SEMA6D: variants seen among roughly 807,000 people sequenced by gnomAD.
SEMA6D encodes the protein semaphorin 6D.
Under a neutral mutation model 106.6 loss-of-function variants are expected in SEMA6D, and 35 were observed. That is an observed-to-expected ratio of 0.33 (90% CI 0.25 to 0.44). The LOEUF (loss-of-function observed/expected upper bound fraction) is 0.44, where lower values mean the gene tolerates loss of function less well. Among genes scored for constraint, SEMA6D ranks in the 20% least tolerant of loss-of-function variants. The pLI, the probability that SEMA6D is intolerant of heterozygous loss-of-function variation, is 1.00. For missense variants in SEMA6D, 1,185 were observed against 1,345.9 expected, an observed-to-expected ratio of 0.88 and a Z score of 1.87; for synonymous variants, 499 against 487.7, an observed-to-expected ratio of 1.02 and a Z score of -0.31.
chr15:47,661,399 A>C (rs1418256880), intron 4 of SEMA6D, among the ~76,000 whole-genome samples: 1 of 152,244 alleles, frequency 6.6e-6, no homozygotes, highest in Non-Finnish European at 1.5e-5. Context: ...TTTTAGAATT[A>C]AGATTTCTAA....
At chr15:47,464,718 T>C (rs1024472157) in intron 2 of SEMA6D, among the ~76,000 whole-genome samples, 3 of 152,146 alleles carry the variant, frequency 2.0e-5, no homozygotes, top group African/African-American at 7.2e-5. Context: ...CTTGTCAAAA[T>C]GGAAAGACTC....
At chr15:47,519,858 C>A (rs4775692) in intron 3 of SEMA6D, among the ~76,000 whole-genome samples, 14,040 of 152,220 alleles carry the variant, frequency 0.092, 940 homozygotes, top group East Asian at 0.32. Context: ...CTTTGAGCTT[C>A]TTGGGAGAAA....
chr15:47,679,848 G>A (rs2078316309), intron 4 of SEMA6D, among the ~76,000 whole-genome samples: 1 of 152,144 alleles, frequency 6.6e-6, no homozygotes, highest in Non-Finnish European at 1.5e-5. Flanking sequence ...TTTCATAGAA[G>A]GGAAAACTGG....
At chr15:47,299,602 A>G (rs1420251339) in intron 1 of SEMA6D, among the ~76,000 whole-genome samples, 1 of 152,224 alleles carries the variant, frequency 6.6e-6, no homozygotes, top group Non-Finnish European at 1.5e-5. Context: ...AGCTACTTCA[A>G]AATATGGACT....
At chr15:47,245,423 C>G (rs1320350887) in intron 1 of SEMA6D, among the ~76,000 whole-genome samples, 1 of 152,110 alleles carries the variant, frequency 6.6e-6, no homozygotes, top group Admixed American at 6.6e-5. Context: ...GGAGATGGTC[C>G]CTCAACACCA....
At chr15:47,341,348 C>T (rs2144489152) in intron 1 of SEMA6D, among the ~76,000 whole-genome samples, 1 of 152,212 alleles carries the variant, frequency 6.6e-6, no homozygotes, top group East Asian at 1.9e-4. Flanking sequence ...TGAGATTGCG[C>T]CACTGCACTC....
chr15:47,762,388 G>A (rs1225499064), intron 8 of SEMA6D, 69 bp downstream of exon 8: 18 of 1,566,474 alleles, frequency 1.1e-5, no homozygotes, highest in South Asian at 4.5e-5. Flanking sequence ...CAGCAGCCAC[G>A]GCCATCAAGA....
intron 2 of SEMA6D, among the ~76,000 whole-genome samples, chr15:47,454,599 G>GCACA (rs71118183): frequency 0.036 from 5,353 of 148,902 alleles, 107 homozygotes; most frequent in East Asian, 0.069. Flanking sequence ...TTGCACATGT[G>GCACA]CACACACACA....
chr15:47,365,774 T>C (rs1462878929), intron 1 of SEMA6D, among the ~76,000 whole-genome samples: 1 of 151,522 alleles, frequency 6.6e-6, no homozygotes, highest in Non-Finnish European at 1.5e-5. Flanking sequence ...GGTAGGAGAA[T>C]TGTGTGAACC....
intron 8 of SEMA6D, among the ~76,000 whole-genome samples, chr15:47,762,544 A>G (rs566818208): frequency 1.3e-5 from 2 of 152,226 alleles, no homozygotes; most frequent in East Asian, 3.9e-4. Context: ...GTGACCTCAA[A>G]AAAAAAAGGG....
At chr15:47,548,769 A>C (rs1486334784) in intron 3 of SEMA6D, among the ~76,000 whole-genome samples, 1 of 152,182 alleles carries the variant, frequency 6.6e-6, no homozygotes, top group Non-Finnish European at 1.5e-5. Context: ...AAATGCACAA[A>C]GTATGTTTTT....
intron 1 of SEMA6D, among the ~76,000 whole-genome samples, chr15:47,727,960 C>T (rs1245818225): frequency 6.6e-6 from 1 of 152,172 alleles, no homozygotes; most frequent in African/African-American, 2.4e-5. Flanking sequence ...AGCTGGAGGC[C>T]CAGCAGAAAG....
chr15:47,426,174 T>A (rs552599423), intron 2 of SEMA6D, among the ~76,000 whole-genome samples: 1 of 152,218 alleles, frequency 6.6e-6, no homozygotes, highest in Non-Finnish European at 1.5e-5. Context: ...AGAGTTTTTT[T>A]AATTTATGTT....
Position 47,225,167 on chromosome 15 carries a change from A to T in SEMA6D, c.-239+40749A>T, listed in dbSNP as rs117481056. On this transcript the variant is annotated intron_variant, in intron 1 of 19. Coordinates refer to the SEMA6D transcript ENST00000558014. ...GAAGGTACAAAGCTATTTCATATAC[A>T]CCCTGCCCCCTCCATGTGCTTCTTA... Among the ~76,000 whole-genome samples, 14 of 151,938 alleles carry T rather than the reference A, an allele frequency of 9.2e-5. No homozygotes were observed. In the East Asian group the frequency reaches 2.7e-3, roughly 29 times the overall value.
chr15:47,434,943 TACAC>T (rs2041654068), intron 2 of SEMA6D, among the ~76,000 whole-genome samples: 1 of 152,084 alleles, frequency 6.6e-6, no homozygotes, highest in Non-Finnish European at 1.5e-5. Flanking sequence ...CACACTCACA[TACAC>T]ACACATAGAC....
intron 1 of SEMA6D, among the ~76,000 whole-genome samples, chr15:47,381,576 G>A (rs368416208): frequency 5.3e-5 from 8 of 152,190 alleles, no homozygotes; most frequent in African/African-American, 1.9e-4. Context: ...TGACTTGAGG[G>A]CTTTCTTTAA....
Position 47,761,218 on chromosome 15 carries a change from A to G in SEMA6D, c.343A>G (p.Lys115Glu). Residue 115 changes from lysine (K) to glutamate (E), a missense_variant and splice_region_variant, in exon 5 of 19, where the codon AAA (lysine) becomes GAA (glutamate). By Grantham distance (56) the Lys-to-Glu change is moderately conservative (BLOSUM62 1). This residue lies in a region of SEMA6D where 144 missense variants were observed against 138.6 expected (regional missense o/e 1.04). Transcript: ENST00000536845. ...AAACTGTGCTATGAAAGGCAAGCAT[A>G]AAGTGAGTGAAACAGAAAAATGTCT... ...RENCAMKGKHKDECHNFIKVF... is the reference protein window; with the variant it reads ...RENCAMKGKHEDECHNFIKVF... 1 of 1,613,696 alleles carries G rather than the reference A, an allele frequency of 6.2e-7. No homozygotes were observed. The highest frequency in any genetic ancestry group is 1.7e-4 in the Middle Eastern group (1 of 6,056).
chr15:47,655,848 C>A (rs1056723367), intron 4 of SEMA6D, among the ~76,000 whole-genome samples: 20 of 152,210 alleles, frequency 1.3e-4, no homozygotes, highest in South Asian at 4.1e-4. Context: ...ATTTCAAAAT[C>A]AATGTTTGTA....
At chr15:47,674,851 TG>T (rs2145463901) in intron 4 of SEMA6D, among the ~76,000 whole-genome samples, 1 of 152,282 alleles carries the variant, frequency 6.6e-6, no homozygotes, top group East Asian at 1.9e-4. Context: ...GAGGATTCAC[TG>T]CGCATCCGAA....
Sources: gnomAD v4.1 joint callset for allele counts (sites outside exome capture counted in the v4.1 genomes callset) on GRCh38, gnomAD v4.1.1 for gene constraint, gnomAD v4.1.1 regional missense constraint, MANE v1.5 for transcripts, NCBI Gene and HGNC (gene_info 2026-07-23, HGNC 2026-07-21) for gene names.